Variants in TUT4 observed in about 807,000 individuals in gnomAD.
TUT4 encodes the protein terminal uridylyltransferase 4.
In TUT4, 36 loss-of-function variants were observed where a neutral mutation model predicts 192.2. The ratio of observed to expected loss-of-function variants is 0.19; its 90% CI spans 0.14 to 0.25. The LOEUF is 0.25. Ranked by LOEUF, TUT4 falls within the 10% of genes least tolerant of loss-of-function variation. The probability of loss-of-function intolerance (pLI) is 1.00; values close to 1 mark genes in which losing one functional copy is unlikely to be tolerated. For missense variants in TUT4, 1,493 were observed against 1,957.2 expected, an observed-to-expected ratio of 0.76 and a Z score of 4.47; for synonymous variants, 618 against 666.0, an observed-to-expected ratio of 0.93 and a Z score of 1.11.
intron 20 of TUT4, among the ~76,000 whole-genome samples, chr1:52,449,506 G>T (rs113986749): frequency 2.0e-5 from 3 of 152,070 alleles, no homozygotes; most frequent in African/African-American, 7.2e-5. Flanking sequence ...TGCCATATTG[G>T]CCAGGCTGGT....
At chr1:52,540,514 C>CAA (rs541547657) in intron 1 of TUT4, among the ~76,000 whole-genome samples, 19 of 113,024 alleles carry the variant, frequency 1.7e-4, no homozygotes, top group Admixed American at 4.0e-4. Context: ...GACTCCGACT[C>CAA]AAAAAAAAAA....
chr1:52,496,934 T>C, intron 5 of TUT4, 72 bp downstream of exon 5: 3 of 1,391,074 alleles, frequency 2.2e-6, no homozygotes, highest in Non-Finnish European at 2.9e-6. Flanking sequence ...CATTAAGAAA[T>C]GTACTCTAGT....
chr1:52,429,018 T>C (rs942003539), intron 28 of TUT4, among the ~76,000 whole-genome samples: 2 of 151,690 alleles, frequency 1.3e-5, no homozygotes, highest in Non-Finnish European at 2.9e-5. Flanking sequence ...AGTTGGTTAA[T>C]GGGGAGGGGG....
At chr1:52,425,605 G>A in intron 28 of TUT4, 98 bp from the exon 29 acceptor site, 4 of 1,341,384 alleles carry the variant, frequency 3.0e-6, no homozygotes, top group East Asian at 2.6e-5. Flanking sequence ...ACCTACCATT[G>A]GCTAAGAACT....
At chr1:52,500,713 G>A (rs1409569197) in intron 4 of TUT4, among the ~76,000 whole-genome samples, 1 of 152,122 alleles carries the variant, frequency 6.6e-6, no homozygotes, top group Non-Finnish European at 1.5e-5. Context: ...AATGAGCCGA[G>A]ATTGTGCCAT....
chr1:52,525,468 T>C, intron 2 of TUT4, 95 bp downstream of exon 2: 1 of 1,448,902 alleles, frequency 6.9e-7, no homozygotes, highest in Non-Finnish European at 9.2e-7. Context: ...GCTAAACAAT[T>C]ATGTATAAAC....
At chr1:52,507,222 A>T (rs981483012) in intron 4 of TUT4, among the ~76,000 whole-genome samples, 7 of 152,220 alleles carry the variant, frequency 4.6e-5, no homozygotes, top group African/African-American at 7.2e-5. Flanking sequence ...CTTTAAGAGG[A>T]TCATCCACAG....
Position 52,431,094 on chromosome 1 carries a change from G to C in TUT4, c.4630C>G (p.Pro1544Ala). 6.2e-7 allele frequency: 1 copy of C among 1,614,192 alleles called. No individual in the cohort carries two copies. The highest frequency in any genetic ancestry group is 8.5e-7 in the Non-Finnish European group (1 of 1,180,020). The change falls in exon 28 of 30, where the codon CCT becomes GCT. Residue 1544 changes from proline to alanine, a missense_variant. This residue lies in a region of TUT4 where 351 missense variants were observed against 397.8 expected (regional missense o/e 0.88). Transcript: ENST00000257177. ...CAGTGTCCATCGTGAGACGTGTTAG[G>C]GATTGCCACAGGTCTGGCAGCAGGC... is the stretch of plus-strand genomic sequence containing the variant. ...AQPAARPVAI[P>A]NTSHDGHWPR...
Position 52,438,848 on chromosome 1 carries a change from T to C in TUT4, c.3823-513A>G, listed in dbSNP as rs183481092. 6.8e-4 allele frequency among the ~76,000 whole-genome samples: 104 copies of C among 152,188 alleles called. No individual in the cohort carries two copies. In the East Asian group the frequency reaches 0.018, roughly 26 times the overall value. On this transcript the variant is annotated intron_variant, in intron 24 of 29. Coordinates refer to ENST00000257177, the MANE Select transcript of TUT4 (RefSeq NM_001009881.3). ...ACTTTGGGAGGCTGAGGCAGGGGGA[T>C]CACCTGAGGTCAGGAGTTCGAGACC...
At chr1:52,462,225 G>T (rs1041735527) in intron 16 of TUT4, 1 of 128,768 alleles carries the variant, frequency 7.8e-6, no homozygotes, top group Admixed American at 9.4e-5. Flanking sequence ...TTGCTCTTTC[G>T]CCCAGGCCGG....
In TUT4 at chr1:52,489,688, T is replaced by C. The variant is rs147993356; in HGVS notation, c.1389-653A>G. ...TCTGAGGTGTCACACACAGGCAATTTAACACAATGTGGCAGAAAAAACACT... is the reference window on the plus strand; with the variant it reads ...TCTGAGGTGTCACACACAGGCAATTCAACACAATGTGGCAGAAAAAACACT... On this transcript the variant is annotated intron_variant, in intron 8 of 29. Coordinates refer to ENST00000257177, the MANE Select transcript of TUT4 (RefSeq NM_001009881.3). 8.5e-3 allele frequency among the ~76,000 whole-genome samples: 1,298 copies of C among 152,278 alleles called. 20 individuals carry two copies. The highest frequency in any genetic ancestry group is 0.03 in the African/African-American group (1,241 of 41,558).
chr1:52,446,605 A>T lies in TUT4; in HGVS notation c.3498T>A (p.Asp1166Glu), dbSNP rs368896294. The change falls in exon 21 of 30, where the codon GAT becomes GAA. Residue 1166 changes from aspartate (D) to glutamate (E), a missense_variant. Physicochemically the swap from Asp to Glu is conservative, Grantham distance 45. Around this residue, in one of 7 missense-constraint regions of TUT4, gnomAD observed 141 missense variants for 382.7 expected, o/e 0.37. Transcript: ENST00000257177. ...MVDGWNAFFF[D>E]KTEELKKRLP... The stretch of plus-strand genomic sequence containing the variant: ...TTAAAATTACCAGTTCTTCTGTTTT[A>T]TCAAAGAAGAAAGCATTCCATCCAT... 29 of 1,607,414 alleles carry T rather than the reference A, an allele frequency of 1.8e-5. No individual in the cohort carries two copies. The highest frequency in any genetic ancestry group is 1.7e-4 in the Middle Eastern group (1 of 6,052).
chr1:52,468,533 T>C (rs1430585282), intron 14 of TUT4: 2 of 317,484 alleles, frequency 6.3e-6, no homozygotes, highest in Non-Finnish European at 1.2e-5. Context: ...ACATTTCACA[T>C]GATCATTTTC....
chr1:52,552,622 G>T (rs549143786), intron 1 of TUT4, among the ~76,000 whole-genome samples: 1 of 152,220 alleles, frequency 6.6e-6, no homozygotes, highest in African/African-American at 2.4e-5. Flanking sequence ...GTCTACAACA[G>T]GTTTCGGTCC....
chr1:52,453,391 AAAAG>A (rs1037168571), intron 20 of TUT4, among the ~76,000 whole-genome samples: 4 of 152,166 alleles, frequency 2.6e-5, no homozygotes, highest in African/African-American at 7.2e-5. Flanking sequence ...TCAAAAAAAA[AAAAG>A]AAATAAAAAG....
chr1:52,461,272 AACT>A (rs1159102006), intron 18 of TUT4, 49 bp from the exon 19 acceptor site: 10 of 1,524,476 alleles, frequency 6.6e-6, no homozygotes, highest in Non-Finnish European at 8.9e-6. Context: ...CGTAAAATTA[AACT>A]ACAAATCAGA....
intron 1 of TUT4, among the ~76,000 whole-genome samples, chr1:52,536,062 A>C (rs529894071): frequency 1.3e-5 from 2 of 152,376 alleles, no homozygotes; most frequent in Middle Eastern, 3.4e-3. Flanking sequence ...GAAATAAAGA[A>C]CACTAGTAAA....
At chr1:52,515,755 TAGAGA>T in intron 3 of TUT4, 131 bp downstream of exon 3, 1 of 946,814 alleles carries the variant, frequency 1.1e-6, no homozygotes, top group Middle Eastern at 2.3e-4. Flanking sequence ...AGAAGAAAGG[TAGAGA>T]AGAGGGAAGT....
rs568335844 is a variant in TUT4 at position 52,536,193 on chromosome 1, T to C, written c.-93-9820A>G. The stretch of plus-strand genomic sequence containing the variant: ...AAAATTCATTACAAACCTCTGTTAA[T>C]AGGCACAAACTATATAAAGATGTAA... On this transcript the variant is annotated intron_variant, in intron 1 of 29. Coordinates refer to ENST00000257177, the MANE Select transcript of TUT4 (RefSeq NM_001009881.3). Among the ~76,000 whole-genome samples the C allele has an allele frequency of 3.9e-4, 60 of 152,310 alleles. No homozygotes were observed. The Middle Eastern group carries it at 0.01, about 26-fold the overall frequency.
Sources: allele counts gnomAD v4.1 joint callset (sites outside exome capture counted in the v4.1 genomes callset), GRCh38; gene constraint gnomAD v4.1.1; regional missense constraint gnomAD v4.1.1; transcripts MANE v1.5; gene names NCBI Gene and HGNC (gene_info 2026-07-23, HGNC 2026-07-21).